The following AGBL4 variants were observed in gnomAD, a reference collection of about 807,000 sequenced individuals.
The protein encoded by AGBL4 is AGBL carboxypeptidase 4, also known as cytosolic carboxypeptidase 6.
In AGBL4, 58 loss-of-function variants were observed where a neutral mutation model predicts 66.4. The observed-to-expected ratio is 0.87, with a 90% CI of 0.71 to 1.09. The LOEUF (loss-of-function observed/expected upper bound fraction) is 1.09, where lower values mean the gene tolerates loss of function less well. Among genes scored for constraint, AGBL4 ranks in the 50% least tolerant of loss-of-function variants. The pLI is 0.00. For missense variants in AGBL4, 579 were observed against 631.0 expected (o/e 0.92, Z 0.88); for synonymous variants, 234 against 222.9 (o/e 1.05, Z -0.44).
At chr1:48,820,460 C>T (rs769273068) in intron 6 of AGBL4, among the ~76,000 whole-genome samples, 1 of 152,120 alleles carries the variant, frequency 6.6e-6, no homozygotes, top group Non-Finnish European at 1.5e-5. Flanking sequence ...TTAAACTATG[C>T]TTTATTGTTG....
intron 3 of AGBL4, among the ~76,000 whole-genome samples, chr1:49,349,128 T>C (rs1645698082): frequency 6.6e-6 from 1 of 152,176 alleles, no homozygotes; most frequent in South Asian, 2.1e-4. Context: ...TCCTCTTTTG[T>C]ATCTAAAGAA....
chr1:49,441,181 A>G (rs2148668418), intron 3 of AGBL4, among the ~76,000 whole-genome samples: 1 of 152,330 alleles, frequency 6.6e-6, no homozygotes, highest in South Asian at 2.1e-4. Context: ...TGACCCATAA[A>G]GAGTTGTGCT....
chr1:49,921,023 A>C (rs1258585641), intron 1 of AGBL4, among the ~76,000 whole-genome samples: 1 of 152,200 alleles, frequency 6.6e-6, no homozygotes, highest in Non-Finnish European at 1.5e-5. Context: ...TCTCACTCAT[A>C]GTCGGGAACT....
chr1:49,300,201 G>T (rs1286981449), intron 3 of AGBL4, among the ~76,000 whole-genome samples: 4 of 152,100 alleles, frequency 2.6e-5, no homozygotes, highest in Admixed American at 1.3e-4. Context: ...TAACATTTTT[G>T]ATCTAGTCCA....
At chr1:49,836,735 C>T (rs1020724513) in intron 2 of AGBL4, among the ~76,000 whole-genome samples, 1 of 152,208 alleles carries the variant, frequency 6.6e-6, no homozygotes, top group African/African-American at 2.4e-5. Flanking sequence ...TGGTCTTTGA[C>T]GTTGGTGACC....
At position 49,269,036 on chromosome 1, in the gene AGBL4, A is replaced by G. The variant is rs190908150; in HGVS notation, c.283-23172T>C. 2.0e-5 allele frequency: 3 copies of G among 152,362 alleles called. No homozygotes were observed. In the East Asian group the frequency reaches 5.8e-4, roughly 29 times the overall value. 9.4% of individuals were successfully genotyped at this position (152,362 alleles called of 1,614,324 possible). ...GCCAAGACCTCAAGAAGCCTTGTGT[A>G]GTTCCATATTCTCTTTGAAATCCTA... On this transcript the variant is annotated intron_variant, in intron 3 of 13. Transcript: ENST00000371839.
intron 3 of AGBL4, among the ~76,000 whole-genome samples, chr1:49,542,896 CAAAAAAA>C (rs35734647): frequency 8.7e-5 from 2 of 22,872 alleles, no homozygotes; most frequent in African/African-American, 2.0e-4. Flanking sequence ...AAGACTCCAT[CAAAAAAA>C]AAAAAAAAAA....
chr1:49,155,312 C>T (rs998254393), intron 4 of AGBL4, among the ~76,000 whole-genome samples: 3 of 152,144 alleles, frequency 2.0e-5, no homozygotes, highest in Non-Finnish European at 2.9e-5. Flanking sequence ...AAGCTCTTTC[C>T]TCTAAACCAG....
At chr1:48,870,874 T>A (rs943082758) in intron 5 of AGBL4, among the ~76,000 whole-genome samples, 2 of 152,222 alleles carry the variant, frequency 1.3e-5, no homozygotes, top group African/African-American at 4.8e-5. Flanking sequence ...AAAACCTGCA[T>A]GTTCTAGGTG....
intron 4 of AGBL4, among the ~76,000 whole-genome samples, chr1:49,117,077 C>A (rs1237363605): frequency 2.0e-5 from 3 of 146,864 alleles, no homozygotes; most frequent in Non-Finnish European, 3.0e-5. Context: ...TTTTTTTTTT[C>A]CTTGTAAATT....
intron 3 of AGBL4, among the ~76,000 whole-genome samples, chr1:49,333,780 A>C (rs1645381600): frequency 6.6e-6 from 1 of 152,188 alleles, no homozygotes; most frequent in Admixed American, 6.5e-5. Context: ...AGATGACAGA[A>C]AGGACTCAGG....
At chr1:48,845,003 A>G (rs1023663267) in intron 6 of AGBL4, among the ~76,000 whole-genome samples, 1 of 152,206 alleles carries the variant, frequency 6.6e-6, no homozygotes, top group African/African-American at 2.4e-5. Flanking sequence ...GCACAAGTGT[A>G]TGGAATTCTT....
intron 3 of AGBL4, among the ~76,000 whole-genome samples, chr1:49,602,794 T>C (rs1167286090): frequency 2.0e-5 from 3 of 151,326 alleles, no homozygotes; most frequent in Admixed American, 6.6e-5. Context: ...CTCCACGTTC[T>C]GCACATATAT....
At chr1:49,236,711 T>A (rs990692917) in intron 4 of AGBL4, among the ~76,000 whole-genome samples, 2 of 152,126 alleles carry the variant, frequency 1.3e-5, no homozygotes, top group Non-Finnish European at 2.9e-5. Flanking sequence ...TGTGTATAGT[T>A]CTATGTCATC....
intron 2 of AGBL4, among the ~76,000 whole-genome samples, chr1:49,827,895 A>G (rs751162697): frequency 4.6e-5 from 7 of 152,224 alleles, no homozygotes; most frequent in Non-Finnish European, 8.8e-5. Context: ...TTAATTATGT[A>G]GAGCTTATTA....
chr1:50,022,859 C>T (rs1424936883), intron 1 of AGBL4, among the ~76,000 whole-genome samples: 1 of 152,166 alleles, frequency 6.6e-6, no homozygotes, highest in Non-Finnish European at 1.5e-5. Flanking sequence ...CAAACTCCCT[C>T]CCACATACTC....
intron 3 of AGBL4, among the ~76,000 whole-genome samples, chr1:49,466,816 A>T (rs936668277): frequency 6.6e-6 from 1 of 151,782 alleles, no homozygotes; most frequent in African/African-American, 2.4e-5. Context: ...TAATTAAAAT[A>T]TATCACTGGA....
At chr1:49,563,162 A>T (rs1258031411) in intron 3 of AGBL4, among the ~76,000 whole-genome samples, 6 of 151,820 alleles carry the variant, frequency 4.0e-5, no homozygotes, top group Non-Finnish European at 7.4e-5. Flanking sequence ...TTGATTTTGT[A>T]TCCTGAGACT....
chr1:49,528,146 T>C (rs1215148022), intron 3 of AGBL4, among the ~76,000 whole-genome samples: 2 of 151,848 alleles, frequency 1.3e-5, no homozygotes, highest in Non-Finnish European at 2.9e-5. Context: ...GATTATAAGA[T>C]AAAGAGAACT....
Sources: allele counts gnomAD v4.1 joint callset (sites outside exome capture counted in the v4.1 genomes callset), GRCh38; gene constraint gnomAD v4.1.1; transcripts MANE v1.5; gene names NCBI Gene and HGNC (gene_info 2026-07-23, HGNC 2026-07-21).